MEGF10: variants seen among roughly 807,000 people sequenced by gnomAD.
The protein encoded by MEGF10 is multiple epidermal growth factor-like domains protein 10.
A neutral mutation model predicts 147.5 loss-of-function variants in MEGF10; 86 were observed. The ratio of observed to expected loss-of-function variants is 0.58; its 90% confidence interval spans 0.49 to 0.70. The LOEUF (loss-of-function observed/expected upper bound fraction) is 0.70, where lower values mean the gene tolerates loss of function less well. MEGF10 is among the 30% of genes least tolerant of loss of function. MEGF10 has a pLI of 0.00. For missense variants in MEGF10, 1,329 were observed against 1,487.3 expected, an observed-to-expected ratio of 0.89 and a Z score of 1.75; for synonymous variants, 478 against 525.5, an observed-to-expected ratio of 0.91 and a Z score of 1.24.
At position 127,417,831 on chromosome 5, in the gene MEGF10, G is replaced by A. The variant is rs1452436267; in HGVS notation, c.1305+19G>A. 7 of 1,611,166 alleles carry A rather than the reference G, an allele frequency of 4.3e-6. 1 individual carries two copies. In the South Asian group the frequency reaches 5.5e-5, roughly 13 times the overall value. ...ATTCAAAGTGAGTGACTAGGGCTCT[G>A]GAGGAAGGAGAAGAGGGGTGCAGTG... On this transcript the variant is annotated intron_variant, in intron 10 of 24. Transcript: ENST00000503335.
chr5:127,374,113 C>T (rs1226865975), intron 5 of MEGF10, among the ~76,000 whole-genome samples: 1 of 152,176 alleles, frequency 6.6e-6, no homozygotes, highest in African/African-American at 2.4e-5. Flanking sequence ...GAGCTTGGTT[C>T]TGGATAAGCA....
At chr5:127,284,691 T>C in the MEGF10 span, among the ~76,000 whole-genome samples, 1 of 127,010 alleles carries the variant, frequency 7.9e-6, no homozygotes, top group Non-Finnish European at 1.9e-5. Context: ...GTAAAAAAAA[T>C]GATAACCTTC....
chr5:127,279,078 G>C, the MEGF10 span, among the ~76,000 whole-genome samples: 8 of 152,160 alleles, frequency 5.3e-5, no homozygotes, highest in Non-Finnish European at 1.5e-5. Flanking sequence ...TGAGTAAAAT[G>C]CAGCAAGAGA....
chr5:127,445,283 GA>G, intron 19 of MEGF10, 173 bp from the exon 20 acceptor site: 1 of 613,132 alleles, frequency 1.6e-6, no homozygotes, highest in Non-Finnish European at 2.9e-6. Flanking sequence ...TGGATAGGCC[GA>G]CAACATCTGA....
At chr5:127,442,866 TG>T (rs1765805178) in intron 18 of MEGF10, 131 bp from the exon 19 acceptor site, 5 of 885,772 alleles carry the variant, frequency 5.6e-6, no homozygotes, top group Admixed American at 2.5e-5. Flanking sequence ...GGGACACTCT[TG>T]GGGGTACAAG....
In MEGF10 at chr5:127,402,549, A is replaced by C; in HGVS notation, c.784A>C (p.Thr262Pro). 5 of 1,613,248 alleles carry C rather than the reference A, an allele frequency of 3.1e-6. No homozygotes were observed. The highest frequency in any genetic ancestry group is 4.2e-6 in the Non-Finnish European group (5 of 1,179,632). Residue 262 changes from threonine (T) to proline (P), a missense_variant, in exon 8 of 25, where the codon ACA becomes CCA. Physicochemically the swap from Thr to Pro is conservative, Grantham distance 38. Transcript: ENST00000503335. The stretch of plus-strand genomic sequence containing the variant: ...TTCCAAGTCTCTTTGAATGCAGGGC[A>C]CAGTGTGTGGTCAGCCTTGCCCCGA... ...ECSCPSGWMGTVCGQPCPEGR... is the reference protein window; with the variant it reads ...ECSCPSGWMGPVCGQPCPEGR...
chr5:127,409,090 A>G (rs2126948876), intron 8 of MEGF10, among the ~76,000 whole-genome samples: 1 of 152,268 alleles, frequency 6.6e-6, no homozygotes, highest in East Asian at 1.9e-4. Flanking sequence ...AAAAAGTATC[A>G]AGATTTGTCC....
intron 20 of MEGF10, among the ~76,000 whole-genome samples, chr5:127,447,336 C>T (rs1026012678): frequency 6.6e-6 from 1 of 151,982 alleles, no homozygotes; most frequent in African/African-American, 2.4e-5. Context: ...CTACCGTGCC[C>T]GGCTAATTTT....
intron 2 of MEGF10, among the ~76,000 whole-genome samples, chr5:127,333,816 GA>G (rs1203670839): frequency 6.6e-6 from 1 of 152,196 alleles, no homozygotes; most frequent in African/African-American, 2.4e-5. Context: ...GAGAAAGACA[GA>G]TAGACAAGGG....
rs1353722744 is a variant in MEGF10 at position 127,410,541 on chromosome 5, A to G, written c.1070A>G (p.Glu357Gly). The G allele has an allele frequency of 6.8e-6, 11 of 1,613,406 alleles. No homozygotes were observed. The highest frequency in any genetic ancestry group is 7.6e-6 in the Non-Finnish European group (9 of 1,180,020). The change falls in exon 9 of 25, where the codon GAG becomes GGG. Residue 357 changes from glutamate (E) to glycine (G), a missense_variant. Coordinates refer to ENST00000503335, the MANE Select transcript of MEGF10 (RefSeq NM_001256545.2). ...CGCTGCGAAGCACGCCTGTGTCCTGAGGGGCTCTACGGCATCAAATGTGAC... is the reference window on the plus strand; with the variant it reads ...CGCTGCGAAGCACGCCTGTGTCCTGGGGGGCTCTACGGCATCAAATGTGAC... ...GERCEARLCPEGLYGIKCDKR... is the reference protein window; with the variant it reads ...GERCEARLCPGGLYGIKCDKR...
intron 17 of MEGF10, among the ~76,000 whole-genome samples, chr5:127,439,496 C>A (rs1329765406): frequency 6.6e-6 from 1 of 152,080 alleles, no homozygotes; most frequent in Admixed American, 6.5e-5. Flanking sequence ...TAATGTAGAC[C>A]TTGAACCAAG....
At chr5:127,346,679 A>T (rs932965003) in intron 4 of MEGF10, among the ~76,000 whole-genome samples, 9 of 152,044 alleles carry the variant, frequency 5.9e-5, no homozygotes, top group African/African-American at 2.2e-4. Flanking sequence ...TACTGTGGTG[A>T]TTATTTCTTT....
intron 21 of MEGF10, among the ~76,000 whole-genome samples, chr5:127,448,827 G>A (rs1401559735): frequency 6.8e-6 from 1 of 146,398 alleles, no homozygotes; most frequent in African/African-American, 2.5e-5. Flanking sequence ...AGTTACATGT[G>A]TATAAATCCA....
the MEGF10 span, among the ~76,000 whole-genome samples, chr5:127,235,364 C>T: frequency 6.6e-6 from 1 of 152,234 alleles, no homozygotes; most frequent in Non-Finnish European, 1.5e-5. Context: ...ATTCCTGAAT[C>T]TTCCCTTATG....
intron 1 of MEGF10, among the ~76,000 whole-genome samples, chr5:127,303,083 G>A (rs1008219184): frequency 2.6e-5 from 4 of 151,932 alleles, no homozygotes; most frequent in African/African-American, 7.3e-5. Flanking sequence ...ATGCCTATAA[G>A]CCTAGCACTT....
intron 4 of MEGF10, 109 bp downstream of exon 4, chr5:127,340,739 A>G (rs948741878): frequency 3.7e-6 from 3 of 815,836 alleles, no homozygotes; most frequent in Non-Finnish European, 6.1e-6. Context: ...GTCTTGGAAC[A>G]TTCCTTTTCC....
chr5:127,231,142 C>T, the MEGF10 span, among the ~76,000 whole-genome samples: 1 of 152,196 alleles, frequency 6.6e-6, no homozygotes, highest in Non-Finnish European at 1.5e-5. Context: ...GCAGTAGTCT[C>T]CTAATTGATA....
the MEGF10 span, among the ~76,000 whole-genome samples, chr5:127,242,832 C>T: frequency 1.3e-5 from 2 of 151,930 alleles, no homozygotes; most frequent in African/African-American, 4.8e-5. Flanking sequence ...ATTCCTGGAC[C>T]TCACAAAAAA....
At chr5:127,392,578 C>G (rs1396639117) in intron 5 of MEGF10, among the ~76,000 whole-genome samples, 1 of 152,176 alleles carries the variant, frequency 6.6e-6, no homozygotes, top group Admixed American at 6.5e-5. Flanking sequence ...CCGCTAGAAG[C>G]CTGTGCTCTT....
Sources: allele counts gnomAD v4.1 joint callset (sites outside exome capture counted in the v4.1 genomes callset), GRCh38; gene constraint gnomAD v4.1.1; transcripts MANE v1.5; gene names NCBI Gene and HGNC (gene_info 2026-07-23, HGNC 2026-07-21).